DENND1A: variants seen among roughly 807,000 people sequenced by gnomAD.
The protein encoded by DENND1A is DENN domain-containing protein 1A.
DENND1A carries 51 observed loss-of-function variants against 113.7 expected under a neutral mutation model. The ratio of observed to expected loss-of-function variants is 0.45; its 90% CI spans 0.36 to 0.57. The LOEUF (loss-of-function observed/expected upper bound fraction) is 0.57, where lower values mean the gene tolerates loss of function less well. Ranked by LOEUF, DENND1A falls within the 20% of genes least tolerant of loss-of-function variation. DENND1A has a pLI of 0.00. For missense variants in DENND1A, 1,258 were observed against 1,395.9 expected (o/e 0.90, Z 1.57); for synonymous variants, 565 against 570.8 (o/e 0.99, Z 0.14).
At chr9:123,851,815 A>C (rs1226626726) in intron 2 of DENND1A, among the ~76,000 whole-genome samples, 1 of 152,236 alleles carries the variant, frequency 6.6e-6, no homozygotes, top group Non-Finnish European at 1.5e-5. Context: ...CAAATGAAAA[A>C]ACAATAGGCT....
In DENND1A at chr9:123,457,842, G is replaced by A. The variant is rs2048248384; in HGVS notation, c.1049C>T (p.Ala350Val). The change falls in exon 14 of 24, where the codon GCC (alanine) becomes GTC (valine). Residue 350 changes from alanine to valine, a missense_variant. Transcript: ENST00000394215. ...GGCGTTCTGCAGGAACTGCCTCATG[G>A]CTCCGGAGCGGTAGTGGGACACGAA... ...EAFVSHYRSG[A>V]MRQFLQNATQ... The A allele has an allele frequency of 1.2e-6, 2 of 1,612,838 alleles. No homozygotes were observed. The highest frequency in any genetic ancestry group is 4.5e-5 in the East Asian group (2 of 44,826).
chr9:123,581,763 C>G (rs766982685), intron 12 of DENND1A, among the ~76,000 whole-genome samples: 1 of 152,196 alleles, frequency 6.6e-6, no homozygotes, highest in African/African-American at 2.4e-5. Context: ...AACACTTCCC[C>G]GACCAGGACA....
chr9:123,463,026 AG>A lies in DENND1A; in HGVS notation c.994-5130del, dbSNP rs541081915. 3.2e-4 allele frequency among the ~76,000 whole-genome samples: 48 copies of A among 152,276 alleles called. 1 individual carries two copies. In the South Asian group the frequency reaches 9.7e-3, roughly 31 times the overall value. ...ACTCCATTGTGCATGGAGAAGAGTA[AG>A]GCAAGGTGTCTCATTATTCTCCCCT... On this transcript the variant is annotated intron_variant, in intron 13 of 23. Coordinates refer to ENST00000394215, the MANE Select transcript of DENND1A (RefSeq NM_001352964.2).
chr9:123,928,505 CTT>C (rs1857482335), intron 1 of DENND1A: 1 of 960,594 alleles, frequency 1.0e-6, no homozygotes, highest in Non-Finnish European at 1.2e-6. Flanking sequence ...CTCTCAAGCT[CTT>C]GTTTGGAGCA....
chr9:123,691,166 T>C (rs2065167195), intron 5 of DENND1A, among the ~76,000 whole-genome samples: 1 of 152,332 alleles, frequency 6.6e-6, no homozygotes, highest in South Asian at 2.1e-4. Context: ...GGATCATTCA[T>C]ACAAACATTT....
intron 20 of DENND1A, among the ~76,000 whole-genome samples, chr9:123,406,823 G>A (rs1286801097): frequency 6.6e-6 from 1 of 152,108 alleles, no homozygotes; most frequent in Non-Finnish European, 1.5e-5. Context: ...TTCTGCCCCT[G>A]CCCCGCGGGG....
At chr9:123,855,204 T>C (rs1368356270) in intron 2 of DENND1A, among the ~76,000 whole-genome samples, 1 of 151,142 alleles carries the variant, frequency 6.6e-6, no homozygotes, top group Non-Finnish European at 1.5e-5. Flanking sequence ...ACGATTATTC[T>C]TCAAGGGAGA....
intron 12 of DENND1A, among the ~76,000 whole-genome samples, chr9:123,580,565 C>G (rs757596968): frequency 6.6e-6 from 1 of 152,218 alleles, no homozygotes; most frequent in African/African-American, 2.4e-5. Flanking sequence ...TCATGCTGCC[C>G]CAGGGCCCTT....
intron 10 of DENND1A, among the ~76,000 whole-genome samples, chr9:123,610,337 T>A (rs1369199872): frequency 2.6e-5 from 4 of 152,174 alleles, no homozygotes; most frequent in African/African-American, 4.8e-5. Context: ...CATAACAACT[T>A]TGCAATACCC....
At chr9:123,767,911 AT>A (rs1265257359) in intron 4 of DENND1A, among the ~76,000 whole-genome samples, 2 of 152,160 alleles carry the variant, frequency 1.3e-5, no homozygotes, top group African/African-American at 4.8e-5. Context: ...TTTATAAAAC[AT>A]TTCAGTTTTA....
chr9:123,532,472 T>C (rs1204864035), intron 13 of DENND1A, among the ~76,000 whole-genome samples: 3 of 152,280 alleles, frequency 2.0e-5, no homozygotes, highest in Admixed American at 1.3e-4. Flanking sequence ...TTTTGAAGAG[T>C]ACAGGCCAGC....
At chr9:123,649,663 A>G (rs1393696353) in intron 9 of DENND1A, among the ~76,000 whole-genome samples, 1 of 152,082 alleles carries the variant, frequency 6.6e-6, no homozygotes, top group East Asian at 1.9e-4. Context: ...TTGCTAAGCT[A>G]TTTTCTTCTA....
At chr9:123,570,840 A>G (rs1564738929) in intron 12 of DENND1A, among the ~76,000 whole-genome samples, 1 of 152,228 alleles carries the variant, frequency 6.6e-6, no homozygotes, top group East Asian at 1.9e-4. Flanking sequence ...CCTGTAGAAT[A>G]TCTCGAGAGT....
intron 13 of DENND1A, among the ~76,000 whole-genome samples, chr9:123,469,281 G>C (rs1329204345): frequency 6.6e-6 from 1 of 152,266 alleles, no homozygotes; most frequent in Non-Finnish European, 1.5e-5. Flanking sequence ...CGTGAAGCCA[G>C]CTCACTGTTC....
chr9:123,583,280 G>T lies in DENND1A; in HGVS notation c.766-10C>A. 6.2e-7 allele frequency: 1 copy of T among 1,604,640 alleles called. No individual in the cohort carries two copies. Among genetic ancestry groups the T allele is most frequent in the Non-Finnish European group, 8.5e-7 (1 of 1,174,494 alleles). ...CCATGTTTCTGACTTTCTGCAAGGA[G>T]AAAAAAATCCACAAGAGAAGGTCAT... On this transcript the variant is annotated splice_polypyrimidine_tract_variant and intron_variant, in intron 11 of 23. Transcript: ENST00000394215.
chr9:123,414,623 G>GA (rs1216071363), intron 19 of DENND1A: 22 of 1,548,822 alleles, frequency 1.4e-5, no homozygotes, highest in Non-Finnish European at 1.7e-5. Context: ...AGTCTTGCAA[G>GA]AAAAAAACCC....
chr9:123,609,400 G>A (rs1265066425), intron 11 of DENND1A, 36 bp downstream of exon 11: 7 of 1,610,684 alleles, frequency 4.3e-6, no homozygotes, highest in East Asian at 4.5e-5. Context: ...CAAAGCCCCA[G>A]GTAGAGCCAT....
At chr9:123,710,208 A>C (rs2066487896) in intron 5 of DENND1A, among the ~76,000 whole-genome samples, 1 of 152,246 alleles carries the variant, frequency 6.6e-6, no homozygotes, top group Admixed American at 6.5e-5. Flanking sequence ...CTAATTTAAA[A>C]AGTGTGTGCG....
intron 8 of DENND1A, among the ~76,000 whole-genome samples, chr9:123,660,329 C>A (rs991346307): frequency 6.6e-6 from 1 of 152,126 alleles, no homozygotes; most frequent in Non-Finnish European, 1.5e-5. Flanking sequence ...GACAATGGGT[C>A]ATGCACAGGG....
Sources: allele counts gnomAD v4.1 joint callset (sites outside exome capture counted in the v4.1 genomes callset), GRCh38; gene constraint gnomAD v4.1.1; transcripts MANE v1.5; gene names NCBI Gene and HGNC (gene_info 2026-07-23, HGNC 2026-07-21).